The following KAT2B variants were observed in gnomAD, a reference collection of about 807,000 sequenced individuals.
The protein encoded by KAT2B is histone acetyltransferase KAT2B.
In KAT2B, 36 loss-of-function variants were observed where a neutral mutation model predicts 105.9. That is an observed-to-expected ratio of 0.34 (90% confidence interval 0.26 to 0.45). The LOEUF (loss-of-function observed/expected upper bound fraction) is 0.45, where lower values mean the gene tolerates loss of function less well. KAT2B is among the 20% of genes least tolerant of loss of function. The pLI, the probability that KAT2B is intolerant of heterozygous loss-of-function variation, is 1.00. For missense variants in KAT2B, 820 were observed against 1,021.6 expected, an observed-to-expected ratio of 0.80 and a Z score of 2.69; for synonymous variants, 397 against 377.9, an observed-to-expected ratio of 1.05 and a Z score of -0.59.
chr3:20,093,705 A>T, intron 2 of KAT2B, among the ~76,000 whole-genome samples: 1 of 152,206 alleles, frequency 6.6e-6, no homozygotes, highest in East Asian at 1.9e-4. Flanking sequence ...TACGTATTTT[A>T]ATCTTTCTTT....
chr3:20,119,932 AT>A (rs1255537686), intron 8 of KAT2B, among the ~76,000 whole-genome samples: 1 of 152,208 alleles, frequency 6.6e-6, no homozygotes, highest in Non-Finnish European at 1.5e-5. Context: ...TAGCTCACTC[AT>A]TTGGTGTGTT....
At chr3:20,051,140 C>T (rs1697908708) in intron 1 of KAT2B, among the ~76,000 whole-genome samples, 1 of 144,992 alleles carries the variant, frequency 6.9e-6, no homozygotes, top group Non-Finnish European at 1.5e-5. Flanking sequence ...GCAGAGGTTG[C>T]AGTGAGCCAA....
intron 2 of KAT2B, among the ~76,000 whole-genome samples, chr3:20,080,554 G>C (rs563910439): frequency 8.5e-5 from 13 of 152,126 alleles, no homozygotes; most frequent in African/African-American, 3.1e-4. Flanking sequence ...TATTTAGTTC[G>C]TTGTGCATAA....
intron 1 of KAT2B, among the ~76,000 whole-genome samples, chr3:20,065,081 T>C (rs1320472428): frequency 6.6e-6 from 1 of 152,230 alleles, no homozygotes. Flanking sequence ...TTCTGCATAC[T>C]ATAACAACAT....
chr3:20,130,266 A>G (rs1056613104), intron 11 of KAT2B, among the ~76,000 whole-genome samples: 2 of 152,228 alleles, frequency 1.3e-5, no homozygotes, highest in Admixed American at 6.5e-5. Context: ...TACATTCATC[A>G]TTCTGACTGG....
At chr3:20,115,461 A>T (rs1046239175) in intron 7 of KAT2B, among the ~76,000 whole-genome samples, 17 of 152,224 alleles carry the variant, frequency 1.1e-4, no homozygotes, top group African/African-American at 4.1e-4. Context: ...AAGAAATGCC[A>T]AAGCAGTTTA....
At chr3:20,134,961 T>G (rs1699575957) in intron 11 of KAT2B, among the ~76,000 whole-genome samples, 1 of 152,208 alleles carries the variant, frequency 6.6e-6, no homozygotes, top group Non-Finnish European at 1.5e-5. Flanking sequence ...TTTCCTAGTG[T>G]GTTTTTATAC....
At chr3:20,118,980 G>A (rs940369828) in intron 7 of KAT2B, among the ~76,000 whole-genome samples, 22 of 151,656 alleles carry the variant, frequency 1.5e-4, no homozygotes, top group Non-Finnish European at 2.5e-4. Flanking sequence ...TTCTGTTTTT[G>A]CCTCTTGTCT....
chr3:20,149,951 C>A (rs555173484), intron 17 of KAT2B, among the ~76,000 whole-genome samples: 1 of 152,356 alleles, frequency 6.6e-6, no homozygotes, highest in African/African-American at 2.4e-5. Context: ...GACTTTGGGG[C>A]CCTTTCAGCC....
chr3:20,041,748 ACACT>A (rs1335484940), intron 1 of KAT2B, among the ~76,000 whole-genome samples: 1 of 152,124 alleles, frequency 6.6e-6, no homozygotes, highest in African/African-American at 2.4e-5. Context: ...ACACTCACAC[ACACT>A]CACACCTCCC....
chr3:20,130,092 C>T (rs537115729), intron 11 of KAT2B, among the ~76,000 whole-genome samples: 2 of 152,148 alleles, frequency 1.3e-5, no homozygotes, highest in Admixed American at 1.3e-4. Context: ...ATTCTTATGC[C>T]ACAGCCACCT....
intron 1 of KAT2B, 97 bp downstream of exon 1, chr3:20,040,877 C>A: frequency 7.3e-7 from 1 of 1,363,146 alleles, no homozygotes. Flanking sequence ...CTCCCGCCTC[C>A]TGCCTCTCGC....
At chr3:20,100,639 C>T (rs1698893931) in intron 4 of KAT2B, among the ~76,000 whole-genome samples, 1 of 152,058 alleles carries the variant, frequency 6.6e-6, no homozygotes, top group Non-Finnish European at 1.5e-5. Flanking sequence ...AGTCAGTTTT[C>T]AGTAAATTTT....
chr3:20,080,282 C>T (rs1426463104), intron 2 of KAT2B, among the ~76,000 whole-genome samples: 1 of 152,164 alleles, frequency 6.6e-6, no homozygotes, highest in Non-Finnish European at 1.5e-5. Flanking sequence ...GGCCATCAGG[C>T]TGCTCCATGT....
rs1247665699 is a variant in KAT2B at position 20,061,926 on chromosome 3, T to TTATATATTATATATAAAA, written c.304-10407_304-10406insTATATATTATATATAAAA. 4.1e-5 allele frequency among the ~76,000 whole-genome samples: 4 copies of TTATATATTATATATAAAA among 97,860 alleles called. No homozygotes were observed. The East Asian group carries it at 1.5e-3, about 37-fold the overall frequency. The allele number at this position is 97,860 out of a possible 152,430, so 64.2% of individuals were successfully genotyped here. ...TTATATATAAAATATGTATTATATATCATATATAAAACATAATATATATTA... is the reference window on the plus strand; with the variant it reads ...TTATATATAAAATATGTATTATATATTATATATTATATATAAAACATATATAAAACATAATATATATTA... On this transcript the variant is annotated intron_variant, in intron 1 of 17. Transcript: ENST00000263754.
intron 2 of KAT2B, among the ~76,000 whole-genome samples, chr3:20,085,285 C>A (rs997012300): frequency 6.6e-6 from 1 of 152,262 alleles, no homozygotes; most frequent in Non-Finnish European, 1.5e-5. Flanking sequence ...TAATTGTCTG[C>A]AGAATGAGGC....
In KAT2B at chr3:20,066,281, C is replaced by T. The variant is rs74555148; in HGVS notation, c.304-6052C>T. 2.7e-3 allele frequency among the ~76,000 whole-genome samples: 406 copies of T among 152,244 alleles called. 3 individuals carry two copies. The highest frequency in any genetic ancestry group is 9.1e-3 in the African/African-American group (379 of 41,530). On this transcript the variant is annotated intron_variant, in intron 1 of 17. Transcript: ENST00000263754. The stretch of plus-strand genomic sequence containing the variant: ...CTCCTTCTTCTTTCTCTTAGGAAAA[C>T]GCCAGTCATTGGTTTTAGGGCTTAG...
At chr3:20,077,987 C>A (rs1047709490) in intron 2 of KAT2B, among the ~76,000 whole-genome samples, 1 of 152,040 alleles carries the variant, frequency 6.6e-6, no homozygotes, top group Non-Finnish European at 1.5e-5. Flanking sequence ...CCATCTTGGG[C>A]AACATGGCGA....
intron 2 of KAT2B, among the ~76,000 whole-genome samples, chr3:20,086,388 C>T (rs1698615584): frequency 6.6e-6 from 1 of 152,116 alleles, no homozygotes; most frequent in Non-Finnish European, 1.5e-5. Flanking sequence ...CACTTGAGCC[C>T]AGGAGTTCAA....
Sources: gnomAD v4.1 joint callset for allele counts (sites outside exome capture counted in the v4.1 genomes callset) on GRCh38, gnomAD v4.1.1 for gene constraint, MANE v1.5 for transcripts, NCBI Gene and HGNC (gene_info 2026-07-23, HGNC 2026-07-21) for gene names.